The following PBRM1 variants were observed in gnomAD, a reference collection of about 807,000 sequenced individuals.
PBRM1 encodes the protein polybromo 1.
PBRM1 carries 27 observed loss-of-function variants against 194.5 expected under a neutral mutation model. The ratio of observed to expected loss-of-function variants is 0.14; its 90% CI spans 0.10 to 0.19. The LOEUF is 0.19. PBRM1 is among the 10% of genes least tolerant of loss of function. The probability of loss-of-function intolerance (pLI) is 1.00; values close to 1 mark genes in which losing one functional copy is unlikely to be tolerated. For missense variants in PBRM1, 1,466 were observed against 2,077.2 expected (o/e 0.71, Z 5.72); for synonymous variants, 655 against 693.2 (o/e 0.94, Z 0.87).
chr3:52,590,309 T>C (rs1413691826), intron 17 of PBRM1, among the ~76,000 whole-genome samples: 1 of 151,876 alleles, frequency 6.6e-6, no homozygotes, highest in Non-Finnish European at 1.5e-5. Flanking sequence ...ATTAAAAAAT[T>C]AGCCAGCATG....
exon 10 of PBRM1, chr3:52,642,033 T>G: frequency 6.5e-7 from 1 of 1,545,570 alleles, no homozygotes; most frequent in Non-Finnish European, 8.9e-7. Flanking sequence ...CTCCTTGTAC[T>G]GCTCTTTTAT....
chr3:52,664,170 T>A (rs1450599197), intron 3 of PBRM1, among the ~76,000 whole-genome samples: 1 of 151,494 alleles, frequency 6.6e-6, no homozygotes, highest in Non-Finnish European at 1.5e-5. Context: ...TGCAGTGAGC[T>A]ACAACTGTGC....
intron 6 of PBRM1, 39 bp from the exon 8 acceptor site, chr3:52,648,481 A>G: frequency 9.5e-7 from 1 of 1,051,930 alleles, no homozygotes; most frequent in African/African-American, 1.6e-5. Flanking sequence ...CCTTTTAATG[A>G]GAGTTCATCA....
chr3:52,656,495 C>G (rs909721191), intron 5 of PBRM1, among the ~76,000 whole-genome samples: 12 of 152,126 alleles, frequency 7.9e-5, no homozygotes, highest in Non-Finnish European at 1.3e-4. Flanking sequence ...GAAAGCTTGT[C>G]TCTACTAAAA....
At chr3:52,633,932 A>G (rs1240314311) in intron 11 of PBRM1, among the ~76,000 whole-genome samples, 3 of 152,104 alleles carry the variant, frequency 2.0e-5, no homozygotes, top group Admixed American at 6.6e-5. Flanking sequence ...TAGCCCAATG[A>G]TCACTTTAAC....
intron 2 of PBRM1, among the ~76,000 whole-genome samples, chr3:52,675,666 AACAGAC>A (rs1303206459): frequency 1.3e-5 from 2 of 152,204 alleles, no homozygotes; most frequent in African/African-American, 4.8e-5. Flanking sequence ...CTGGTATAAA[AACAGAC>A]ACAGGGACCA....
At chr3:52,583,213 C>T (rs1235749943) in intron 20 of PBRM1, among the ~76,000 whole-genome samples, 1 of 151,486 alleles carries the variant, frequency 6.6e-6, no homozygotes, top group African/African-American at 2.4e-5. Context: ...AGTTTGTGAC[C>T]AGCCTGGCCA....
rs769789893 is a variant in PBRM1 at position 52,641,950 on chromosome 3, C to T, written c.1087+4G>A. On this transcript the variant is annotated splice_donor_region_variant and intron_variant, in intron 10 of 29. Transcript: ENST00000296302. ...CATTTCGCTAGTCAAAACCTAATGC[C>T]TACCAGCTAAAGCAGCATCTTCTTC... 1.3e-6 allele frequency: 2 copies of T among 1,570,796 alleles called. No individual in the cohort carries two copies. The highest frequency in any genetic ancestry group is 2.2e-5 in the South Asian group (2 of 90,268).
Position 52,590,821 on chromosome 3 carries a change from C to A in PBRM1, c.2780-1566G>T, listed in dbSNP as rs537323482. ...GAAGAATGTCATTGGTAATTTCATA[C>A]GATTAGGACTGAATCTGTAAATTGC... On this transcript the variant is annotated intron_variant, in intron 17 of 29. Coordinates refer to ENST00000296302, the Ensembl canonical transcript of PBRM1. 2.0e-5 allele frequency among the ~76,000 whole-genome samples: 3 copies of A among 152,208 alleles called. No homozygotes were observed. The South Asian group carries it at 6.2e-4, about 32-fold the overall frequency.
chr3:52,628,932 T>C, exon 12 of PBRM1: 1 of 1,613,928 alleles, frequency 6.2e-7, no homozygotes, highest in South Asian at 1.1e-5. Flanking sequence ...CGCTTGTAGA[T>C]GGCTGAATTG....
chr3:52,591,304 T>C (rs931055555), intron 17 of PBRM1, among the ~76,000 whole-genome samples: 1 of 151,896 alleles, frequency 6.6e-6, no homozygotes, highest in African/African-American at 2.4e-5. Flanking sequence ...TGAATAGGAG[T>C]GGTGGGAGAC....
chr3:52,636,160 C>A (rs919394432), intron 10 of PBRM1, among the ~76,000 whole-genome samples: 1 of 151,924 alleles, frequency 6.6e-6, no homozygotes, highest in South Asian at 2.1e-4. Flanking sequence ...CGTGAGCCAC[C>A]ACGCCCAGCC....
chr3:52,575,963 G>A (rs1468523603), intron 22 of PBRM1, among the ~76,000 whole-genome samples: 1 of 152,070 alleles, frequency 6.6e-6, no homozygotes, highest in African/African-American at 2.4e-5. Context: ...TTTATTAGAA[G>A]GGTTCAACAG....
In PBRM1 at chr3:52,679,571, C is replaced by T. The variant is rs1354944597; in HGVS notation, c.138+3G>A. ...CAGAAACCATGTAATCCAAGTTACT[C>T]ACAGGATCTACAGTTGGAAGATTGG... is the stretch of plus-strand genomic sequence containing the variant. On this transcript the variant is annotated splice_donor_region_variant and intron_variant, in intron 1 of 29. Coordinates refer to ENST00000296302, the Ensembl canonical transcript of PBRM1. The T allele has an allele frequency of 1.4e-5, 23 of 1,611,036 alleles. No individual in the cohort carries two copies. Among genetic ancestry groups the T allele is most frequent in the Non-Finnish European group, 2.0e-5 (23 of 1,178,470 alleles).
At chr3:52,616,187 T>G (rs2094941366) in intron 14 of PBRM1, among the ~76,000 whole-genome samples, 1 of 152,238 alleles carries the variant, frequency 6.6e-6, no homozygotes, top group Admixed American at 6.5e-5. Context: ...CACTGAGGAC[T>G]GTGTAAACCC....
intron 2 of PBRM1, among the ~76,000 whole-genome samples, chr3:52,675,645 A>T (rs1437606070): frequency 6.6e-6 from 1 of 152,200 alleles, no homozygotes; most frequent in Non-Finnish European, 1.5e-5. Flanking sequence ...CAGTAATCAA[A>T]ATGTGTGCTA....
chr3:52,613,581 T>C (rs563488850), intron 15 of PBRM1, among the ~76,000 whole-genome samples: 4 of 152,202 alleles, frequency 2.6e-5, no homozygotes, highest in African/African-American at 9.6e-5. Flanking sequence ...TGGGCTGAAG[T>C]GATCCTCCTG....
chr3:52,571,248 A>C (rs1575788291), intron 22 of PBRM1, among the ~76,000 whole-genome samples: 1 of 148,964 alleles, frequency 6.7e-6, no homozygotes, highest in Non-Finnish European at 1.5e-5. Context: ...GCTTGAACCC[A>C]GGAGGTGGAG....
rs1013747381 is a variant in PBRM1 at position 52,627,481 on chromosome 3, T to C, written c.1444-111A>G. On this transcript the variant is annotated intron_variant, in intron 12 of 29. Transcript: ENST00000296302. The stretch of plus-strand genomic sequence containing the variant: ...ATTCACTCAGAAAAATACAATCACA[T>C]GCAGGATGTACAAAATGAAAGAGTC... 3 of 633,920 alleles carry C rather than the reference T, an allele frequency of 4.7e-6. No individual in the cohort carries two copies. The Admixed American group carries it at 8.5e-5, about 18-fold the overall frequency. 39.3% of individuals were successfully genotyped at this position (633,920 alleles called of 1,614,324 possible).
Sources: gnomAD v4.1 joint callset for allele counts (sites outside exome capture counted in the v4.1 genomes callset) on GRCh38, gnomAD v4.1.1 for gene constraint, MANE v1.5 for transcripts, NCBI Gene and HGNC (gene_info 2026-07-23, HGNC 2026-07-21) for gene names.